Variants in MMP26 observed in about 807,000 individuals in gnomAD.
The protein encoded by MMP26 is matrix metalloproteinase-26.
MMP26 carries 33 observed loss-of-function variants against 31.0 expected under a neutral mutation model. The ratio of observed to expected loss-of-function variants is 1.06; its 90% CI spans 0.81 to 1.42. The LOEUF (loss-of-function observed/expected upper bound fraction) is 1.42. MMP26 is among the 40% of genes most tolerant of loss of function. The pLI, the probability that MMP26 is intolerant of heterozygous loss-of-function variation, is 0.00. For missense variants in MMP26, 347 were observed against 316.1 expected (o/e 1.10, Z -0.74); for synonymous variants, 122 against 114.9 (o/e 1.06, Z -0.40).
chr11:4,729,571 G>A (rs1411195438), intron 1 of MMP26, among the ~76,000 whole-genome samples: 2 of 152,162 alleles, frequency 1.3e-5, no homozygotes, highest in African/African-American at 4.8e-5. Flanking sequence ...GAGATAGCTA[G>A]CCTGCAAGGT....
At chr11:4,718,380 C>G (rs1847964889) in intron 1 of MMP26, among the ~76,000 whole-genome samples, 1 of 152,142 alleles carries the variant, frequency 6.6e-6, no homozygotes, top group South Asian at 2.1e-4. Flanking sequence ...TGTTTTTGTG[C>G]AAATTCTGTA....
chr11:4,957,584 A>C (rs1846461319), intron 2 of MMP26, among the ~76,000 whole-genome samples: 1 of 152,130 alleles, frequency 6.6e-6, no homozygotes, highest in African/African-American at 2.4e-5. Context: ...AAAATGAGGT[A>C]TAAAACTCCA....
chr11:4,819,398 G>A (rs1028841103), intron 2 of MMP26, among the ~76,000 whole-genome samples: 2 of 151,488 alleles, frequency 1.3e-5, no homozygotes, highest in African/African-American at 4.9e-5. Context: ...ACCCGGGAGA[G>A]GGGGGAAAGA....
At chr11:4,944,254 A>G (rs1367049816) in intron 2 of MMP26, 3 of 321,858 alleles carry the variant, frequency 9.3e-6, no homozygotes, top group Admixed American at 4.4e-5. Flanking sequence ...AATGTATTCA[A>G]GATAATACTA....
chr11:4,861,483 GTATATA>G (rs1850158597), intron 2 of MMP26, among the ~76,000 whole-genome samples: 1 of 151,230 alleles, frequency 6.6e-6, no homozygotes, highest in Non-Finnish European at 1.5e-5. Flanking sequence ...GTATATATAT[GTATATA>G]TGTATATATA....
intron 2 of MMP26, among the ~76,000 whole-genome samples, chr11:4,788,978 C>A (rs1191658482): frequency 2.0e-5 from 3 of 152,108 alleles, no homozygotes; most frequent in African/African-American, 7.2e-5. Context: ...TCCCAGCAAG[C>A]CTGCATGGTA....
chr11:4,989,873 T>A lies in MMP26; in HGVS notation c.320+5T>A. 1 of 1,603,510 alleles carries A rather than the reference T, an allele frequency of 6.2e-7. No homozygotes were observed. On this transcript the variant is annotated splice_donor_5th_base_variant and intron_variant, in intron 4 of 7. Coordinates refer to ENST00000380390, the MANE Select transcript of MMP26 (RefSeq NM_021801.5). Reference sequence around the variant, plus strand: ...TAAGCACACTCTAACTTACAGGTGCTTGTTACTAAGGCCTAGAGGATAATG... The same window carrying A: ...TAAGCACACTCTAACTTACAGGTGCATGTTACTAAGGCCTAGAGGATAATG...
intron 1 of MMP26, among the ~76,000 whole-genome samples, chr11:4,755,804 T>C (rs529707265): frequency 6.6e-6 from 1 of 151,780 alleles, no homozygotes; most frequent in Non-Finnish European, 1.5e-5. Context: ...ACATAGCTTT[T>C]AAGAAAAAAA....
chr11:4,759,442 T>C (rs1331008888), intron 1 of MMP26, among the ~76,000 whole-genome samples: 5 of 152,178 alleles, frequency 3.3e-5, no homozygotes, highest in Non-Finnish European at 7.3e-5. Flanking sequence ...AGTGTGCATG[T>C]CATGTGTCCA....
chr11:4,926,660 G>C (rs1325793147), intron 2 of MMP26, among the ~76,000 whole-genome samples: 1 of 152,080 alleles, frequency 6.6e-6, no homozygotes, highest in Admixed American at 6.5e-5. Context: ...CTAGTGAGAG[G>C]TTGCAATCAT....
chr11:4,991,858 C>T, intron 6 of MMP26, 106 bp from the exon 7 acceptor site: 2 of 1,090,300 alleles, frequency 1.8e-6, no homozygotes, highest in Non-Finnish European at 2.5e-6. Context: ...AACATTTGCC[C>T]TTTCCTCGTT....
chr11:4,819,566 ATTTTTTTTTTTTTT>A (rs71050433), intron 2 of MMP26, among the ~76,000 whole-genome samples: 13 of 50,306 alleles, frequency 2.6e-4, no homozygotes, highest in African/African-American at 7.0e-4. Context: ...GAGTCGACTG[ATTTTTTTTTTTTTT>A]TTTTTTTTTT....
At chr11:4,921,742 C>T (rs372029764) in intron 2 of MMP26, among the ~76,000 whole-genome samples, 5 of 152,102 alleles carry the variant, frequency 3.3e-5, no homozygotes, top group East Asian at 1.9e-4. Context: ...TATGCAAAAG[C>T]GGTTATGTTT....
chr11:4,847,405 T>C (rs1256915911), intron 2 of MMP26: 1 of 152,224 alleles, frequency 6.6e-6, no homozygotes, highest in Non-Finnish European at 1.5e-5. Flanking sequence ...GTTTGGGGGA[T>C]GTAATTTAAG....
chr11:4,830,924 T>C (rs765809043), intron 2 of MMP26, among the ~76,000 whole-genome samples: 30 of 152,144 alleles, frequency 2.0e-4, no homozygotes, highest in Non-Finnish European at 3.7e-4. Flanking sequence ...CAGTAGCAAT[T>C]GCACTGTAAG....
intron 2 of MMP26, among the ~76,000 whole-genome samples, chr11:4,968,260 C>G (rs1846621581): frequency 6.6e-6 from 1 of 152,022 alleles, no homozygotes; most frequent in Non-Finnish European, 1.5e-5. Flanking sequence ...TTTGACAATA[C>G]AAATATAACC....
chr11:4,861,246 C>G (rs1279146325), intron 2 of MMP26, among the ~76,000 whole-genome samples: 1 of 149,494 alleles, frequency 6.7e-6, no homozygotes, highest in African/African-American at 2.5e-5. Flanking sequence ...TATATCTATA[C>G]AGAAGTTTAT....
At position 4,989,805 on chromosome 11, in the gene MMP26, A is replaced by G. The variant is rs540973386; in HGVS notation, c.257A>G (p.Asp86Gly). Residue 86 changes from aspartate to glycine, a missense_variant, in exon 4 of 8, where the codon GAT becomes GGT. By Grantham distance (94) the Asp-to-Gly change is moderately conservative. Coordinates refer to ENST00000380390, the MANE Select transcript of MMP26 (RefSeq NM_021801.5). Reference sequence around the variant, plus strand: ...CACCAGCCCCACTGTGGGGTGCCTGATGGGTCCGACACCTCCATCTCGCCA... The same window carrying G: ...CACCAGCCCCACTGTGGGGTGCCTGGTGGGTCCGACACCTCCATCTCGCCA... ...LLHQPHCGVPDGSDTSISPGR... is the reference protein window; with the variant it reads ...LLHQPHCGVPGGSDTSISPGR... 58 of 1,613,562 alleles carry G rather than the reference A, an allele frequency of 3.6e-5. No homozygotes were observed. In the African/African-American group the frequency reaches 6.7e-4, roughly 19 times the overall value.
At chr11:4,826,624 A>T (rs1232708532) in intron 2 of MMP26, among the ~76,000 whole-genome samples, 1 of 152,118 alleles carries the variant, frequency 6.6e-6, no homozygotes, top group African/African-American at 2.4e-5. Context: ...TTGGCAAACC[A>T]CAATAAAACC....
Sources: allele counts gnomAD v4.1 joint callset (sites outside exome capture counted in the v4.1 genomes callset), GRCh38; gene constraint gnomAD v4.1.1; transcripts MANE v1.5; gene names NCBI Gene and HGNC (gene_info 2026-07-23, HGNC 2026-07-21).